Variants in ZNF786 observed in about 807,000 individuals in gnomAD.
ZNF786 encodes zinc finger protein 786.
ZNF786 carries 56 observed loss-of-function variants against 63.1 expected under a neutral mutation model. That is an observed-to-expected ratio of 0.89 (90% CI 0.72 to 1.11). The LOEUF is 1.11. Among genes scored for constraint, ZNF786 ranks in the 50% least tolerant of loss-of-function variants. The pLI is 0.00. For missense variants in ZNF786, 1,213 were observed against 1,041.8 expected (o/e 1.16, Z -2.26); for synonymous variants, 485 against 406.9 (o/e 1.19, Z -2.31).
chr7:149,082,167 G>A (rs1167464825), intron 1 of ZNF786, among the ~76,000 whole-genome samples: 2 of 152,150 alleles, frequency 1.3e-5, no homozygotes, highest in Admixed American at 6.6e-5. Context: ...TCATGATAGC[G>A]AGTTTTCACA....
Position 149,090,674 on chromosome 7 carries a change from C to A in ZNF786, c.-34G>T. The stretch of plus-strand genomic sequence containing the variant: ...CGGTCCCGCCCGGCCCTGGCAAACC[C>A]GACCGTCTCCGGCGGCTCCGCAGGA... On this transcript the variant is annotated 5_prime_UTR_variant, in exon 1 of 4. Coordinates refer to ENST00000491431, the MANE Select transcript of ZNF786 (RefSeq NM_152411.4). 1 of 1,573,074 alleles carries A rather than the reference C, an allele frequency of 6.4e-7. No homozygotes were observed. The highest frequency in any genetic ancestry group is 8.6e-7 in the Non-Finnish European group (1 of 1,158,210).
In ZNF786 at chr7:149,072,025, G is replaced by T; in HGVS notation, c.747C>A (p.Phe249Leu). Reference sequence around the variant, plus strand: ...GGCGCAGCAGACACAGCTTCCGGCGGAAGCTCTTACCGCACACGCCACACC... The same window carrying T: ...GGCGCAGCAGACACAGCTTCCGGCGTAAGCTCTTACCGCACACGCCACACC... The part of the protein sequence containing the change: ...HFRCGVCGKS[F>L]RRKLCLLRHL... Residue 249 changes from phenylalanine to leucine, a missense_variant, in exon 4 of 4, where the codon TTC becomes TTA. Phe to Leu is a conservative substitution (Grantham distance 22, BLOSUM62 0). Coordinates refer to ENST00000491431, the MANE Select transcript of ZNF786 (RefSeq NM_152411.4). The T allele has an allele frequency of 1.9e-6, 3 of 1,613,138 alleles. No individual in the cohort carries two copies. Among genetic ancestry groups the T allele is most frequent in the Non-Finnish European group, 2.5e-6 (3 of 1,179,782 alleles).
At chr7:149,090,310 A>G (rs1216467337) in intron 1 of ZNF786, among the ~76,000 whole-genome samples, 4 of 152,158 alleles carry the variant, frequency 2.6e-5, no homozygotes, top group Non-Finnish European at 5.9e-5. Flanking sequence ...TCTGGCCCCA[A>G]ACCTTTCTAT....
chr7:149,075,750 A>G (rs1825536675), intron 2 of ZNF786, among the ~76,000 whole-genome samples: 2 of 127,324 alleles, frequency 1.6e-5, no homozygotes, highest in African/African-American at 5.8e-5. Context: ...TGCAGCCTCA[A>G]CCTCCTGGGC....
At chr7:149,086,626 TCACA>T (rs147898859) in intron 1 of ZNF786, among the ~76,000 whole-genome samples, 1,599 of 147,700 alleles carry the variant, frequency 0.011, 29 homozygotes, top group African/African-American at 0.037. Context: ...ACACTCTGTC[TCACA>T]CACACACACA....
Position 149,070,657 on chromosome 7 carries a change from G to A in ZNF786, c.2115C>T (p.His705=). The A allele has an allele frequency of 1.9e-6, 3 of 1,613,974 alleles. No individual in the cohort carries two copies. The highest frequency in any genetic ancestry group is 2.5e-6 in the Non-Finnish European group (3 of 1,179,892). ...GGAAGTTCTTGTCACACTCAGGGCA[G>A]TGAAAAGGCCTCTCCCCTGTGTGCA... ...QGLHTGERPF[H]CPECDKNFRE... Residue 705 remains histidine, a synonymous_variant, in exon 4 of 4, where the codon CAC becomes CAT. Transcript: ENST00000491431.
At chr7:149,073,788 T>G (rs1825491157) in intron 3 of ZNF786, among the ~76,000 whole-genome samples, 1 of 134,630 alleles carries the variant, frequency 7.4e-6, no homozygotes, top group East Asian at 2.2e-4. Flanking sequence ...TATGTATATA[T>G]ATATAGTTTT....
chr7:149,074,662 A>C (rs1034043285), intron 2 of ZNF786, 124 bp from the exon 3 acceptor site: 10 of 1,117,662 alleles, frequency 8.9e-6, no homozygotes, highest in African/African-American at 1.6e-5. Context: ...AAAAAAAAAC[A>C]GGTTTACACA....
chr7:149,075,661 T>G (rs974921111), intron 2 of ZNF786, among the ~76,000 whole-genome samples: 3 of 111,700 alleles, frequency 2.7e-5, no homozygotes, highest in Non-Finnish European at 5.5e-5. Context: ...TCAGGTTTTT[T>G]TTTTTTTTTT....
rs371554418 is a variant in ZNF786 at position 149,074,308 on chromosome 7, A to AG, written c.298+77dup. On this transcript the variant is annotated intron_variant, in intron 3 of 3. Coordinates refer to ENST00000491431, the MANE Select transcript of ZNF786 (RefSeq NM_152411.4). ...TCTTCAAACCTCAGCTTGCCCAAAC[A>AG]GGATGACAAGATCAGAGAAGAGAAA... 26 of 1,547,148 alleles carry AG rather than the reference A, an allele frequency of 1.7e-5. No individual in the cohort carries two copies. In the African/African-American group the frequency reaches 3.1e-4, roughly 19 times the overall value.
At chr7:149,078,646 T>G (rs571126833) in intron 2 of ZNF786, among the ~76,000 whole-genome samples, 19 of 151,858 alleles carry the variant, frequency 1.3e-4, no homozygotes, top group African/African-American at 4.3e-4. Flanking sequence ...ATGGTGCCAT[T>G]GCACTCCAGC....
chr7:149,079,212 T>C (rs974216030), intron 2 of ZNF786, among the ~76,000 whole-genome samples: 1 of 152,070 alleles, frequency 6.6e-6, no homozygotes, highest in African/African-American at 2.4e-5. Context: ...ATCGAGACCA[T>C]CCTGGCTAAC....
At position 149,071,592 on chromosome 7, in the gene ZNF786, C is replaced by G; in HGVS notation, c.1180G>C (p.Glu394Gln). ...CAATGCGCACACTGGAAGGGCTTTT[C>G]TCCAGTATGCGCCCTGCAGGGGCTG... The part of the protein sequence containing the change: ...LASPCRAHTG[E>Q]KPFQCAHCTK... Residue 394 changes from glutamate (E) to glutamine (Q), a missense_variant, in exon 4 of 4, where the codon GAA (glutamate) becomes CAA (glutamine). By Grantham distance (29) the Glu-to-Gln change is conservative. Coordinates refer to ENST00000491431, the MANE Select transcript of ZNF786 (RefSeq NM_152411.4). 6.2e-7 allele frequency: 1 copy of G among 1,607,410 alleles called. No individual in the cohort carries two copies. Among genetic ancestry groups the G allele is most frequent in the Non-Finnish European group, 8.5e-7 (1 of 1,177,962 alleles).
At chr7:149,089,859 G>A (rs1187616059) in intron 1 of ZNF786, among the ~76,000 whole-genome samples, 1 of 151,894 alleles carries the variant, frequency 6.6e-6, no homozygotes, top group Non-Finnish European at 1.5e-5. Context: ...GATTACAGGC[G>A]CCCGCCATCA....
intron 1 of ZNF786, among the ~76,000 whole-genome samples, chr7:149,090,292 C>T (rs1439011657): frequency 1.3e-5 from 2 of 152,252 alleles, no homozygotes; most frequent in African/African-American, 4.8e-5. Flanking sequence ...TGACCTGTAA[C>T]ATCCACCTCT....
chr7:149,070,730 C>T lies in ZNF786; in HGVS notation c.2042G>A (p.Cys681Tyr). The change falls in exon 4 of 4, where the codon TGT (cysteine) becomes TAT (tyrosine). Residue 681 changes from cysteine to tyrosine, a missense_variant. Physicochemically the swap from Cys to Tyr is radical, Grantham distance 194 (BLOSUM62 -2). Transcript: ENST00000491431. ...TGEKPFQCPK[C>Y]DKSFRLKAQL... ...CGCCTTCAGGCGGAAACTCTTGTCA[C>T]ACTTGGGACACTGAAAAGGCTTCTC... is the stretch of plus-strand genomic sequence containing the variant. The T allele has an allele frequency of 6.2e-7, 1 of 1,613,776 alleles. No homozygotes were observed. Among genetic ancestry groups the T allele is most frequent in the Non-Finnish European group, 8.5e-7 (1 of 1,179,950 alleles).
At chr7:149,082,274 TC>T (rs1825665485) in intron 1 of ZNF786, among the ~76,000 whole-genome samples, 1 of 152,170 alleles carries the variant, frequency 6.6e-6, no homozygotes, top group African/African-American at 2.4e-5. Flanking sequence ...TTCTGAGGCC[TC>T]CCCAGAAGCA....
At chr7:149,082,532 G>T in intron 1 of ZNF786, 2 of 935,342 alleles carry the variant, frequency 2.1e-6, no homozygotes, top group Non-Finnish European at 2.5e-6. Context: ...CATTGTTATT[G>T]CCATATGTCC....
chr7:149,085,067 G>A (rs1166548201), intron 1 of ZNF786, among the ~76,000 whole-genome samples: 4 of 152,112 alleles, frequency 2.6e-5, no homozygotes. Flanking sequence ...CCCACTGCTT[G>A]TTTTTGTTGA....
Sources: gnomAD v4.1 joint callset for allele counts (sites outside exome capture counted in the v4.1 genomes callset) on GRCh38, gnomAD v4.1.1 for gene constraint, MANE v1.5 for transcripts, NCBI Gene and HGNC (gene_info 2026-07-23, HGNC 2026-07-21) for gene names.